Variants in PHF20L1 observed in about 807,000 individuals in gnomAD.
PHF20L1 encodes the protein PHD finger protein 20-like protein 1.
Under a neutral mutation model 125.5 loss-of-function variants are expected in PHF20L1, and 44 were observed. That is an observed-to-expected ratio of 0.35 (90% CI 0.28 to 0.45). The LOEUF is 0.45. Ranked by LOEUF, PHF20L1 falls within the 20% of genes least tolerant of loss-of-function variation. The pLI, the probability that PHF20L1 is intolerant of heterozygous loss-of-function variation, is 1.00. For synonymous variants in PHF20L1, 380 were observed against 403.1 expected (o/e 0.94, Z 0.69); for missense variants, 1,012 against 1,217.2 (o/e 0.83, Z 2.51).
intron 9 of PHF20L1, among the ~76,000 whole-genome samples, chr8:132,814,074 A>G (rs1458832253): frequency 6.6e-6 from 1 of 151,558 alleles, no homozygotes; most frequent in Non-Finnish European, 1.5e-5. Flanking sequence ...CATTGTGCTT[A>G]TGAAACTCTA....
At chr8:132,818,800 T>A (rs1461139637) in intron 12 of PHF20L1, 1 of 151,896 alleles carries the variant, frequency 6.6e-6, no homozygotes, top group Non-Finnish European at 1.5e-5. Flanking sequence ...TCTTTAACGA[T>A]CTGGAATTTG....
intron 2 of PHF20L1, chr8:132,788,967 A>G (rs534970436): frequency 6.6e-6 from 1 of 152,264 alleles, no homozygotes; most frequent in Non-Finnish European, 1.5e-5. Flanking sequence ...TTTTGCATGC[A>G]GCCTCAGGGA....
chr8:132,776,679 TTTG>T (rs1829820383), intron 1 of PHF20L1, among the ~76,000 whole-genome samples: 1 of 152,198 alleles, frequency 6.6e-6, no homozygotes. Flanking sequence ...GAATTTTATG[TTTG>T]TTGTTCTATT....
At chr8:132,797,507 G>A (rs1400975369) in intron 4 of PHF20L1, among the ~76,000 whole-genome samples, 2 of 151,914 alleles carry the variant, frequency 1.3e-5, no homozygotes, top group African/African-American at 2.4e-5. Context: ...ATGCCCAGAC[G>A]GCCTGGTGTG....
intron 10 of PHF20L1, 160 bp from the exon 11 acceptor site, chr8:132,816,728 T>G: frequency 1.9e-6 from 1 of 529,194 alleles, no homozygotes; most frequent in Non-Finnish European, 3.3e-6. Context: ...GGGCACAATT[T>G]TTGCCTTTGA....
chr8:132,844,518 GGTT>G (rs1838247093), intron 20 of PHF20L1, among the ~76,000 whole-genome samples, 200 bp downstream of exon 20: 1 of 151,990 alleles, frequency 6.6e-6, no homozygotes, highest in Non-Finnish European at 1.5e-5. Flanking sequence ...TATGACCTTA[GGTT>G]GTTTTTACTT....
At chr8:132,799,472 A>G (rs1025143097) in intron 6 of PHF20L1, 2 of 209,474 alleles carry the variant, frequency 9.5e-6, no homozygotes, top group Non-Finnish European at 1.9e-5. Context: ...AAAAACCACA[A>G]TTCCATTTGT....
intron 9 of PHF20L1, chr8:132,811,703 G>T (rs961801008): frequency 1.0e-6 from 1 of 985,248 alleles, no homozygotes; most frequent in Non-Finnish European, 1.2e-6. Flanking sequence ...ATTTTGCCTT[G>T]GCTACCTTCA....
At chr8:132,785,781 G>C (rs1446247804) in intron 2 of PHF20L1, among the ~76,000 whole-genome samples, 2 of 152,098 alleles carry the variant, frequency 1.3e-5, no homozygotes, top group Admixed American at 6.6e-5. Flanking sequence ...TTAATATTCA[G>C]AGTGTCTTGA....
intron 2 of PHF20L1, among the ~76,000 whole-genome samples, chr8:132,787,373 G>T (rs1296021978): frequency 6.6e-6 from 1 of 152,062 alleles, no homozygotes; most frequent in Non-Finnish European, 1.5e-5. Context: ...AGCTAATTCT[G>T]TTCTTCTCTT....
At chr8:132,835,794 T>C (rs1004900241) in intron 15 of PHF20L1, among the ~76,000 whole-genome samples, 5 of 152,104 alleles carry the variant, frequency 3.3e-5, no homozygotes, top group Non-Finnish European at 7.4e-5. Context: ...TCCCACTCCA[T>C]GGCTGCGTTT....
chr8:132,811,311 G>T, intron 9 of PHF20L1, 183 bp downstream of exon 9: 1 of 1,310,956 alleles, frequency 7.6e-7, no homozygotes, highest in Non-Finnish European at 9.7e-7. Flanking sequence ...CTTCATTAGT[G>T]TTTGATTTCA....
chr8:132,836,728 G>A lies in PHF20L1; in HGVS notation c.2091+7G>A. On this transcript the variant is annotated splice_region_variant and intron_variant, in intron 16 of 20. Coordinates refer to ENST00000395386, the MANE Select transcript of PHF20L1 (RefSeq NM_016018.5). ...GAATGGCTTCATGATCCAGGTAATT[G>A]GTTAACCTCTCTTCCCTATAATGAG... 2 of 1,601,924 alleles carry A rather than the reference G, an allele frequency of 1.2e-6. No homozygotes were observed. The highest frequency in any genetic ancestry group is 1.7e-6 in the Non-Finnish European group (2 of 1,170,064).
Position 132,839,399 on chromosome 8 carries a change from G to C in PHF20L1, c.2204G>C (p.Ser735Thr). The change falls in exon 18 of 21, where the codon AGT becomes ACT. Residue 735 changes from serine to threonine, a missense_variant. Physicochemically the swap from Ser to Thr is moderately conservative, Grantham distance 58. This residue lies in a region of PHF20L1 where 55 missense variants were observed against 114.8 expected (regional missense o/e 0.48). Transcript: ENST00000395386. ...ACTTCATCTGCAGGTCAGAGGTGGA[G>C]TGCAAAATATCGTTATGATAAGGAG... is the stretch of plus-strand genomic sequence containing the variant. ...ICRDPPGQRW[S>T]AKYRYDKEWL... 1 of 1,612,360 alleles carries C rather than the reference G, an allele frequency of 6.2e-7. No individual in the cohort carries two copies. The highest frequency in any genetic ancestry group is 8.5e-7 in the Non-Finnish European group (1 of 1,178,578).
Position 132,848,119 on chromosome 8 carries a change from C to G in PHF20L1, c.*2196C>G, listed in dbSNP as rs1275864205. 2.0e-5 allele frequency: 3 copies of G among 151,976 alleles called. No homozygotes were observed. The highest frequency in any genetic ancestry group is 2.0e-4 in the Admixed American group (3 of 15,246). 9.4% of individuals were successfully genotyped at this position (151,976 alleles called of 1,614,324 possible). A position where few individuals can be genotyped will look rare whatever the true frequency, so the allele number is the denominator to read the frequency against. On this transcript the variant is annotated 3_prime_UTR_variant, in exon 21 of 21. Coordinates refer to ENST00000395386, the MANE Select transcript of PHF20L1 (RefSeq NM_016018.5). The stretch of plus-strand genomic sequence containing the variant: ...TCATCCTCTTGATTCCTGGTGAACA[C>G]GGTTAAATTCATGCACATTTGTTCT...
At chr8:132,819,694 A>G (rs1835368160) in intron 12 of PHF20L1, among the ~76,000 whole-genome samples, 1 of 151,686 alleles carries the variant, frequency 6.6e-6, no homozygotes, top group African/African-American at 2.4e-5. Context: ...TCTCTGATAC[A>G]TATGTACATA....
chr8:132,816,878 CT>C lies in PHF20L1; in HGVS notation c.1184-5del. On this transcript the variant is annotated splice_polypyrimidine_tract_variant and intron_variant, in intron 10 of 20. Coordinates refer to ENST00000395386, the MANE Select transcript of PHF20L1 (RefSeq NM_016018.5). Reference sequence around the variant, plus strand: ...TATCTGCTTCGTGAACATTGAAGATCTTTTTCTAGGTCCTCCACAGCCTGTG... The same window carrying C: ...TATCTGCTTCGTGAACATTGAAGATCTTTTCTAGGTCCTCCACAGCCTGTG... The C allele has an allele frequency of 6.3e-7, 1 of 1,599,430 alleles. No homozygotes were observed. The highest frequency in any genetic ancestry group is 8.6e-7 in the Non-Finnish European group (1 of 1,168,198).
Position 132,847,811 on chromosome 8 carries a change from G to A in PHF20L1, c.*1888G>A, listed in dbSNP as rs1838523128. ...AAGCTTTAGCAGAGGTGGTATTGTGGGGTAATTGCTTAAATTTACATATCA... is the reference window on the plus strand; with the variant it reads ...AAGCTTTAGCAGAGGTGGTATTGTGAGGTAATTGCTTAAATTTACATATCA... On this transcript the variant is annotated 3_prime_UTR_variant, in exon 21 of 21. Coordinates refer to ENST00000395386, the MANE Select transcript of PHF20L1 (RefSeq NM_016018.5). 1 of 152,448 alleles carries A rather than the reference G, an allele frequency of 6.6e-6. No individual in the cohort carries two copies. The highest frequency in any genetic ancestry group is 6.6e-5 in the Admixed American group (1 of 15,260). The allele number at this position is 152,448 out of a possible 1,614,324, so 9.4% of individuals were successfully genotyped here.
rs371775486 is a variant in PHF20L1, at chr8:132,842,729, A to C, written c.2602A>C (p.Ser868Arg). ...TSEHSYQKPQ[S>R]FGQDCKSLAD... ...TGAGCATAGCTATCAAAAGCCACAA[A>C]GTTTTGGTCAGGACTGTAAATCTCT... The change falls in exon 19 of 21, where the codon AGT becomes CGT. Residue 868 changes from serine (S) to arginine (R), a missense_variant. By Grantham distance (110) the Ser-to-Arg change is moderately radical. This residue lies in a region of PHF20L1 where 277 missense variants were observed against 283.6 expected (regional missense o/e 0.98). Transcript: ENST00000395386. The C allele has an allele frequency of 1.3e-5, 21 of 1,613,304 alleles. No individual in the cohort carries two copies. Among genetic ancestry groups the C allele is most frequent in the Non-Finnish European group, 1.7e-5 (20 of 1,179,618 alleles).
Sources: gnomAD v4.1 joint callset for allele counts (sites outside exome capture counted in the v4.1 genomes callset) on GRCh38, gnomAD v4.1.1 for gene constraint, gnomAD v4.1.1 regional missense constraint, MANE v1.5 for transcripts, NCBI Gene and HGNC (gene_info 2026-07-23, HGNC 2026-07-21) for gene names.